The following DGKE variants were observed in gnomAD, a reference collection of about 807,000 sequenced individuals.
The protein encoded by DGKE is DAG kinase epsilon.
A neutral mutation model predicts 70.0 loss-of-function variants in DGKE; 53 were observed. The ratio of observed to expected loss-of-function variants is 0.76; its 90% CI spans 0.61 to 0.95. The LOEUF (loss-of-function observed/expected upper bound fraction) is 0.95. Ranked by LOEUF, DGKE falls within the 40% of genes least tolerant of loss-of-function variation. The pLI is 0.00. For missense variants in DGKE, 655 were observed against 706.9 expected, an observed-to-expected ratio of 0.93 and a Z score of 0.83; for synonymous variants, 291 against 257.0, an observed-to-expected ratio of 1.13 and a Z score of -1.27.
At chr17:56,861,236 G>T (rs1182502955) in intron 9 of DGKE, among the ~76,000 whole-genome samples, 1 of 151,116 alleles carries the variant, frequency 6.6e-6, no homozygotes, top group East Asian at 2.0e-4. Flanking sequence ...ACTTAACCAG[G>T]AAAGAGTAAG....
intron 2 of DGKE, among the ~76,000 whole-genome samples, chr17:56,837,944 T>G (rs1418223829): frequency 6.6e-6 from 1 of 152,232 alleles, no homozygotes; most frequent in African/African-American, 2.4e-5. Flanking sequence ...TGTAGATTTT[T>G]TCTTTTTGTG....
chr17:56,859,422 C>T (rs193036350), intron 9 of DGKE, among the ~76,000 whole-genome samples: 437 of 151,606 alleles, frequency 2.9e-3, no homozygotes, highest in African/African-American at 0.01. Flanking sequence ...CATGATATGG[C>T]AGTCTTTTTT....
Position 56,862,851 on chromosome 17 carries a change from C to T in DGKE, c.*60C>T, listed in dbSNP as rs1001589433. The stretch of plus-strand genomic sequence containing the variant: ...TCACGCAAGTAGATACATGTTCATC[C>T]AAAAGTATTAATAGAAATTCTCTAT... On this transcript the variant is annotated 3_prime_UTR_variant, in exon 12 of 12. Transcript: ENST00000284061. 1.3e-5 allele frequency: 17 copies of T among 1,337,124 alleles called. No individual in the cohort carries two copies. Among genetic ancestry groups the T allele is most frequent in the Admixed American group, 8.8e-5 (3 of 34,208 alleles). 82.8% of individuals were successfully genotyped at this position (1,337,124 alleles called of 1,614,324 possible).
At chr17:56,845,983 A>G (rs969410472) in intron 4 of DGKE, 174 bp downstream of exon 4, 21 of 560,968 alleles carry the variant, frequency 3.7e-5, no homozygotes, top group Non-Finnish European at 4.7e-5. Flanking sequence ...ATAAAATGGT[A>G]CAACCTCTTT....
rs1169050578 is a variant in DGKE at position 56,848,066 on chromosome 17, G to T, written c.888+1G>T. The T allele has an allele frequency of 6.6e-7, 1 of 1,523,746 alleles. No homozygotes were observed. 94.4% of individuals were successfully genotyped at this position (1,523,746 alleles called of 1,614,324 possible). A position where few individuals can be genotyped will look rare whatever the true frequency, so the allele number is the denominator to read the frequency against. ...TGCAGTTGATGACATGAAGATTAAG[G>T]TATTAGTCTTTAAGAACTACTACAG... On this transcript the variant is annotated splice_donor_variant, in intron 5 of 11. Transcript: ENST00000284061. LOFTEE classifies it high-confidence loss of function.
intron 2 of DGKE, among the ~76,000 whole-genome samples, chr17:56,838,960 T>C (rs1374874825): frequency 1.3e-5 from 2 of 152,118 alleles, no homozygotes; most frequent in African/African-American, 4.8e-5. Flanking sequence ...TACTTGGAAA[T>C]GTACTAAAAA....
At chr17:56,850,926 C>G (rs1049305268) in intron 7 of DGKE, among the ~76,000 whole-genome samples, 3 of 151,794 alleles carry the variant, frequency 2.0e-5, no homozygotes, top group Non-Finnish European at 4.4e-5. Flanking sequence ...TTAGTTCTGC[C>G]CTAGCTGAGA....
intron 9 of DGKE, 47 bp from the exon 10 acceptor site, chr17:56,861,744 G>T: frequency 1.3e-6 from 2 of 1,597,950 alleles, no homozygotes; most frequent in South Asian, 2.3e-5. Context: ...GGATGTGTGT[G>T]GAAATTGTGT....
chr17:56,868,085 T>C lies in DGKE; in HGVS notation c.*5294T>C, dbSNP rs1908607283. ...AGAGAATTTCCATTATGTGTTACTT[T>C]TTGGTGACTAACATGGAATGTTGAA... On this transcript the variant is annotated 3_prime_UTR_variant, in exon 12 of 12. Transcript: ENST00000284061. 1 of 152,244 alleles carries C rather than the reference T, an allele frequency of 6.6e-6. No individual in the cohort carries two copies. The highest frequency in any genetic ancestry group is 1.5e-5 in the Non-Finnish European group (1 of 68,048). The allele number at this position is 152,244 out of a possible 1,614,324, so 9.4% of individuals were successfully genotyped here. A position where few individuals can be genotyped will look rare whatever the true frequency, so the allele number is the denominator to read the frequency against.
intron 4 of DGKE, 125 bp from the exon 5 acceptor site, chr17:56,847,797 T>G: frequency 3.5e-6 from 2 of 568,032 alleles, no homozygotes; most frequent in Non-Finnish European, 5.4e-6. Flanking sequence ...GCCTGGCATA[T>G]TGTTAAATAC....
At chr17:56,859,058 C>T (rs2144285887) in intron 9 of DGKE, among the ~76,000 whole-genome samples, 1 of 152,050 alleles carries the variant, frequency 6.6e-6, no homozygotes, top group African/African-American at 2.4e-5. Flanking sequence ...TAATACAGTG[C>T]CTGACTCAAC....
At chr17:56,849,408 A>G (rs1907514699) in intron 7 of DGKE, among the ~76,000 whole-genome samples, 176 bp downstream of exon 7, 1 of 152,210 alleles carries the variant, frequency 6.6e-6, no homozygotes, top group Non-Finnish European at 1.5e-5. Context: ...GGGAGAGAAC[A>G]GGGTGCAGGT....
chr17:56,837,754 C>T (rs1301141528), intron 2 of DGKE, among the ~76,000 whole-genome samples: 1 of 152,208 alleles, frequency 6.6e-6, no homozygotes, highest in Non-Finnish European at 1.5e-5. Context: ...GCATCTCATT[C>T]TTAGGGAAGT....
rs1908628544 is a variant in DGKE, at chr17:56,868,632, G to A, written c.*5841G>A. On this transcript the variant is annotated 3_prime_UTR_variant, in exon 12 of 12. Coordinates refer to ENST00000284061, the MANE Select transcript of DGKE (RefSeq NM_003647.3). ...ATGTGAAAGCATTTGGTATGTTGAA[G>A]ATACTTGCTTCTTTTTTAATAAAAT... is the stretch of plus-strand genomic sequence containing the variant. 6.6e-6 allele frequency: 1 copy of A among 152,226 alleles called. No homozygotes were observed. Among genetic ancestry groups the A allele is most frequent in the Non-Finnish European group, 1.5e-5 (1 of 68,048 alleles). 9.4% of individuals were successfully genotyped at this position (152,226 alleles called of 1,614,324 possible). A position where few individuals can be genotyped will look rare whatever the true frequency, so the allele number is the denominator to read the frequency against.
At chr17:56,844,200 A>G (rs769791319) in intron 3 of DGKE, 22 bp downstream of exon 3, 1 of 1,423,000 alleles carries the variant, frequency 7.0e-7, no homozygotes, top group African/African-American at 1.5e-5. Flanking sequence ...TTATTTCTCT[A>G]ATATGATTGA....
chr17:56,867,785 C>G lies in DGKE; in HGVS notation c.*4994C>G, dbSNP rs1341146403. ...TGGCGGGCACCTGTAGTCCCAGCTACTCGGGAGGCTGAGGCAGGAGAATGG... is the reference window on the plus strand; with the variant it reads ...TGGCGGGCACCTGTAGTCCCAGCTAGTCGGGAGGCTGAGGCAGGAGAATGG... On this transcript the variant is annotated 3_prime_UTR_variant, in exon 12 of 12. Transcript: ENST00000284061. 1 of 151,850 alleles carries G rather than the reference C, an allele frequency of 6.6e-6. No homozygotes were observed. Among genetic ancestry groups the G allele is most frequent in the Non-Finnish European group, 1.5e-5 (1 of 68,090 alleles). 9.4% of individuals were successfully genotyped at this position (151,850 alleles called of 1,614,324 possible). A position where few individuals can be genotyped will look rare whatever the true frequency, so the allele number is the denominator to read the frequency against.
chr17:56,846,839 A>G (rs1165588303), intron 4 of DGKE, among the ~76,000 whole-genome samples: 1 of 152,192 alleles, frequency 6.6e-6, no homozygotes, highest in Non-Finnish European at 1.5e-5. Flanking sequence ...TTAATTATCT[A>G]TGCATTTACT....
At chr17:56,862,512 A>C in intron 11 of DGKE, 100 bp from the exon 12 acceptor site, 2 of 1,094,968 alleles carry the variant, frequency 1.8e-6, no homozygotes, top group Non-Finnish European at 2.5e-6. Flanking sequence ...CTAAAAATGA[A>C]ATGCATAAGG....
chr17:56,840,213 T>G (rs1906884763), intron 2 of DGKE, among the ~76,000 whole-genome samples: 1 of 152,190 alleles, frequency 6.6e-6, no homozygotes, highest in Admixed American at 6.5e-5. Flanking sequence ...TATGAGAATT[T>G]AATAAATGAT....
Sources: allele counts gnomAD v4.1 joint callset (sites outside exome capture counted in the v4.1 genomes callset), GRCh38; gene constraint gnomAD v4.1.1; transcripts MANE v1.5; gene names NCBI Gene and HGNC (gene_info 2026-07-23, HGNC 2026-07-21).